CGNL1: variants seen among roughly 807,000 people sequenced by gnomAD.
CGNL1 encodes the protein cingulin like 1.
In CGNL1, 132 loss-of-function variants were observed where a neutral mutation model predicts 141.2. That is an observed-to-expected ratio of 0.93 (90% confidence interval 0.81 to 1.08). CGNL1 has a LOEUF of 1.08. Among genes scored for constraint, CGNL1 ranks in the 50% least tolerant of loss-of-function variants. The pLI is 0.00. For synonymous variants in CGNL1, 690 were observed against 622.1 expected (o/e 1.11, Z -1.63); for missense variants, 1,870 against 1,588.6 (o/e 1.18, Z -3.01).
At chr15:57,391,278 A>T (rs2062539984) in intron 1 of CGNL1, among the ~76,000 whole-genome samples, 1 of 152,236 alleles carries the variant, frequency 6.6e-6, no homozygotes, top group Non-Finnish European at 1.5e-5. Context: ...AAGCCATGTG[A>T]GCCTCGTGCC....
chr15:57,385,683 G>T (rs1354188073), intron 1 of CGNL1, among the ~76,000 whole-genome samples: 2 of 152,190 alleles, frequency 1.3e-5, no homozygotes, highest in Non-Finnish European at 2.9e-5. Context: ...ACCCCATACA[G>T]TCAAGCCATA....
rs533323193 is a variant in CGNL1 at position 57,467,597 on chromosome 15, A to G, written c.2403+5705A>G. On this transcript the variant is annotated intron_variant, in intron 8 of 18. Transcript: ENST00000281282. Reference sequence around the variant, plus strand: ...AACAAAAATAGCTAAAATCATTGGGAACGTTTTAACACTCTATATTAATGA... The same window carrying G: ...AACAAAAATAGCTAAAATCATTGGGGACGTTTTAACACTCTATATTAATGA... 3.9e-5 allele frequency among the ~76,000 whole-genome samples: 6 copies of G among 152,234 alleles called. No homozygotes were observed. In the South Asian group the frequency reaches 1.0e-3, roughly 26 times the overall value.
At chr15:57,463,490 G>A (rs1051315172) in intron 8 of CGNL1, among the ~76,000 whole-genome samples, 2 of 152,200 alleles carry the variant, frequency 1.3e-5, no homozygotes, top group African/African-American at 2.4e-5. Context: ...TAGTCAAGAC[G>A]TGTATCACTG....
In CGNL1 at chr15:57,528,643, T is replaced by C. The variant is rs758710545; in HGVS notation, c.3040-11T>C. 2.5e-6 allele frequency: 4 copies of C among 1,613,644 alleles called. No homozygotes were observed. The South Asian group carries it at 3.3e-5, about 13-fold the overall frequency. ...ACCCCAGAAAACCATCCCAGCTGTC[T>C]CTCCTCCTAGATGCGTCTGATGGAG... On this transcript the variant is annotated splice_polypyrimidine_tract_variant and intron_variant, in intron 12 of 18. Transcript: ENST00000281282.
chr15:57,458,229 GA>G (rs1342036023), intron 7 of CGNL1, among the ~76,000 whole-genome samples: 1 of 152,296 alleles, frequency 6.6e-6, no homozygotes, highest in East Asian at 1.9e-4. Context: ...GGATTCCATA[GA>G]GAGGCAAGTT....
intron 1 of CGNL1, among the ~76,000 whole-genome samples, chr15:57,412,573 G>T (rs141680589): frequency 5.3e-5 from 8 of 152,264 alleles, no homozygotes; most frequent in Admixed American, 1.3e-4. Context: ...GCCAGGCCCT[G>T]TTTGCCTTCC....
At position 57,530,513 on chromosome 15, in the gene CGNL1, C is replaced by T. The variant is rs116147691; in HGVS notation, c.3202-1177C>T. 4.2e-3 allele frequency among the ~76,000 whole-genome samples: 639 copies of T among 152,266 alleles called. 7 individuals carry two copies. The highest frequency in any genetic ancestry group is 0.014 in the African/African-American group (596 of 41,534). ...CAAGACTCAAGAGCTCTCCTAACGACGGACATTTTCTGTAAACTCAGGTGG... is the reference window on the plus strand; with the variant it reads ...CAAGACTCAAGAGCTCTCCTAACGATGGACATTTTCTGTAAACTCAGGTGG... On this transcript the variant is annotated intron_variant, in intron 13 of 18. Transcript: ENST00000281282.
At chr15:57,497,611 C>T (rs1223405738) in intron 8 of CGNL1, among the ~76,000 whole-genome samples, 3 of 152,174 alleles carry the variant, frequency 2.0e-5, no homozygotes, top group African/African-American at 7.2e-5. Context: ...AGCTGCTTAC[C>T]ACAGAATGAG....
chr15:57,547,281 C>T, intron 18 of CGNL1, 74 bp from the exon 19 acceptor site: 1 of 1,561,614 alleles, frequency 6.4e-7, no homozygotes, highest in South Asian at 1.2e-5. Context: ...CAACCCAAAA[C>T]CCTCCCTTTA....
intron 8 of CGNL1, among the ~76,000 whole-genome samples, chr15:57,490,572 A>T (rs2063845802): frequency 6.6e-6 from 1 of 152,240 alleles, no homozygotes; most frequent in African/African-American, 2.4e-5. Flanking sequence ...TGATGTAACA[A>T]GTAAATGAAT....
intron 1 of CGNL1, among the ~76,000 whole-genome samples, chr15:57,378,378 T>G (rs1307314406): frequency 3.6e-5 from 4 of 110,270 alleles, no homozygotes; most frequent in African/African-American, 6.9e-5. Flanking sequence ...TTTTTTTTTT[T>G]TTTTTTTTTT....
At chr15:57,454,259 T>G (rs1341202516) in intron 7 of CGNL1, among the ~76,000 whole-genome samples, 1 of 152,134 alleles carries the variant, frequency 6.6e-6, no homozygotes, top group African/African-American at 2.4e-5. Context: ...ATAAGTGTGG[T>G]TTGTAGGAAT....
chr15:57,408,192 T>C (rs764296650), intron 1 of CGNL1, among the ~76,000 whole-genome samples: 22 of 152,044 alleles, frequency 1.4e-4, no homozygotes, highest in Non-Finnish European at 2.9e-4. Context: ...AAATAGTCTA[T>C]CCCACGAAGC....
intron 10 of CGNL1, among the ~76,000 whole-genome samples, chr15:57,519,381 G>T (rs1013267838): frequency 6.6e-6 from 1 of 152,192 alleles, no homozygotes; most frequent in African/African-American, 2.4e-5. Flanking sequence ...GTCAGGTTCA[G>T]ATTTGTAAAT....
At chr15:57,452,885 A>G (rs2063338202) in intron 6 of CGNL1, among the ~76,000 whole-genome samples, 1 of 152,162 alleles carries the variant, frequency 6.6e-6, no homozygotes, top group African/African-American at 2.4e-5. Flanking sequence ...TGGGAATGAA[A>G]TCTAGGGGGA....
At chr15:57,542,845 C>T (rs1337919755) in intron 14 of CGNL1, among the ~76,000 whole-genome samples, 1 of 152,164 alleles carries the variant, frequency 6.6e-6, no homozygotes, top group Non-Finnish European at 1.5e-5. Context: ...CATCCTCAGT[C>T]CAGGCAAACT....
chr15:57,508,136 G>A (rs2064129094), intron 8 of CGNL1, among the ~76,000 whole-genome samples: 1 of 152,058 alleles, frequency 6.6e-6, no homozygotes, highest in Non-Finnish European at 1.5e-5. Flanking sequence ...CACTTCCTTT[G>A]CCACATTTAT....
intron 10 of CGNL1, 118 bp downstream of exon 10, chr15:57,518,615 C>T (rs1216364736): frequency 2.1e-5 from 14 of 682,812 alleles, no homozygotes; most frequent in Non-Finnish European, 3.4e-5. Context: ...CCCTTTCACC[C>T]ATAATAACCA....
chr15:57,520,468 T>G (rs2031176167), intron 10 of CGNL1, among the ~76,000 whole-genome samples: 2 of 152,162 alleles, frequency 1.3e-5, no homozygotes, highest in South Asian at 4.1e-4. Context: ...GCTGGTAAAT[T>G]TATGTCTGAT....
Sources: allele counts gnomAD v4.1 joint callset (sites outside exome capture counted in the v4.1 genomes callset), GRCh38; gene constraint gnomAD v4.1.1; transcripts MANE v1.5; gene names NCBI Gene and HGNC (gene_info 2026-07-23, HGNC 2026-07-21).